Variants in DEGS1 observed in about 807,000 individuals in gnomAD.
DEGS1 encodes the protein sphingolipid delta(4)-desaturase DES1.
Under a neutral mutation model 24.1 loss-of-function variants are expected in DEGS1, and 17 were observed. The observed-to-expected ratio is 0.70, with a 90% CI of 0.48 to 1.06. DEGS1 has a LOEUF of 1.06. Among genes scored for constraint, DEGS1 ranks in the 50% least tolerant of loss-of-function variants. DEGS1 has a pLI of 0.00. For synonymous variants in DEGS1, 134 were observed against 140.0 expected (o/e 0.96, Z 0.30); for missense variants, 366 against 408.9 (o/e 0.90, Z 0.91).
rs1183186345 is a variant in DEGS1, at chr1:224,189,962, T to C, written c.468T>C (p.Ala156=). 1 of 1,614,130 alleles carries C rather than the reference T, an allele frequency of 6.2e-7. No homozygotes were observed. Among genetic ancestry groups the C allele is most frequent in the Admixed American group, 1.7e-5 (1 of 59,998 alleles). ...TTGAGGGCTGGTTCTTCTGTACCGCTTTCAGAAAGTTTATATGGGTTATTC... is the reference window on the plus strand; with the variant it reads ...TTGAGGGCTGGTTCTTCTGTACCGCCTTCAGAAAGTTTATATGGGTTATTC... The part of the protein sequence containing the change: ...TDFEGWFFCT[A]FRKFIWVILQ... Residue 156 remains alanine, a synonymous_variant, in exon 2 of 3, where the codon GCT becomes GCC. Coordinates refer to ENST00000323699, the MANE Select transcript of DEGS1 (RefSeq NM_003676.4).
chr1:224,183,380 C>G lies in DEGS1; in HGVS notation c.44C>G (p.Thr15Ser), dbSNP rs1412067526. 2 of 1,446,680 alleles carry G rather than the reference C, an allele frequency of 1.4e-6. No individual in the cohort carries two copies. The highest frequency in any genetic ancestry group is 3.1e-5 in the East Asian group (1 of 32,778). 89.6% of individuals were successfully genotyped at this position (1,446,680 alleles called of 1,614,324 possible). ...VSREDFEWVY[T>S]DQPHADRRRE... is the part of the protein sequence containing the mutation. ...CGGGAAGACTTCGAGTGGGTCTACA[C>G]CGACCAGCCGCACGCCGACCGGCGC... The change falls in exon 1 of 3, where the codon ACC (threonine) becomes AGC (serine). Residue 15 changes from threonine (T) to serine (S), a missense_variant. Physicochemically the swap from Thr to Ser is moderately conservative, Grantham distance 58. Coordinates refer to ENST00000323699, the MANE Select transcript of DEGS1 (RefSeq NM_003676.4).
chr1:224,184,670 C>G (rs1658331772), intron 1 of DEGS1, among the ~76,000 whole-genome samples: 1 of 152,104 alleles, frequency 6.6e-6, no homozygotes, highest in Non-Finnish European at 1.5e-5. Context: ...CACCACTACG[C>G]CTGGCTAATG....
chr1:224,190,526 T>C (rs1411848210), intron 2 of DEGS1, among the ~76,000 whole-genome samples: 1 of 151,492 alleles, frequency 6.6e-6, no homozygotes, highest in African/African-American at 2.4e-5. Context: ...CCCAGCTAAT[T>C]TTTGTATTTT....
Position 224,192,505 on chromosome 1 carries a change from C to G in DEGS1, c.*27C>G, listed in dbSNP as rs1558211178. ...TATCATTAGTGCCAAAGGGATTCTT[C>G]TCCAAAACTTTAGATGATAAAATGG... is the stretch of plus-strand genomic sequence containing the variant. On this transcript the variant is annotated 3_prime_UTR_variant, in exon 3 of 3. Transcript: ENST00000323699. The G allele has an allele frequency of 6.3e-7, 1 of 1,590,616 alleles. No individual in the cohort carries two copies. Among genetic ancestry groups the G allele is most frequent in the Admixed American group, 1.9e-5 (1 of 53,358 alleles).
rs1658440400 is a variant in DEGS1 at position 224,188,053 on chromosome 1, T to C, written c.83-1524T>C. 2.0e-5 allele frequency among the ~76,000 whole-genome samples: 3 copies of C among 151,720 alleles called. No homozygotes were observed. In the South Asian group the frequency reaches 6.2e-4, roughly 32 times the overall value. ...CAAGTGATCCTCCTGCCTTGGCCTCTCAGAGTGCTGGCATTATAGGTGTGA... is the reference window on the plus strand; with the variant it reads ...CAAGTGATCCTCCTGCCTTGGCCTCCCAGAGTGCTGGCATTATAGGTGTGA... On this transcript the variant is annotated intron_variant, in intron 1 of 2. Transcript: ENST00000323699.
Position 224,192,740 on chromosome 1 carries a change from A to G in DEGS1, c.*262A>G. On this transcript the variant is annotated 3_prime_UTR_variant, in exon 3 of 3. Transcript: ENST00000323699. ...CACTCATGTCTGTCATTTTATAAGC[A>G]TATCATTTAAAAAGCTTCTAAAAAG... 5.3e-6 allele frequency: 2 copies of G among 378,708 alleles called. No homozygotes were observed. Among genetic ancestry groups the G allele is most frequent in the African/African-American group, 2.2e-5 (1 of 46,340 alleles). The allele number at this position is 378,708 out of a possible 1,614,324, so 23.5% of individuals were successfully genotyped here.
intron 2 of DEGS1, 50 bp from the exon 3 acceptor site, chr1:224,192,282 A>G: frequency 6.5e-7 from 1 of 1,541,640 alleles, no homozygotes; most frequent in Non-Finnish European, 8.8e-7. Context: ...CATCTTTGAA[A>G]GAACCTAGTA....
In DEGS1 at chr1:224,192,578, C is replaced by G; in HGVS notation, c.*100C>G. The G allele has an allele frequency of 8.5e-7, 1 of 1,180,984 alleles. No homozygotes were observed. Among genetic ancestry groups the G allele is most frequent in the Non-Finnish European group, 1.2e-6 (1 of 841,664 alleles). 73.2% of individuals were successfully genotyped at this position (1,180,984 alleles called of 1,614,324 possible). A position where few individuals can be genotyped will look rare whatever the true frequency, so the allele number is the denominator to read the frequency against. On this transcript the variant is annotated 3_prime_UTR_variant, in exon 3 of 3. Coordinates refer to ENST00000323699, the MANE Select transcript of DEGS1 (RefSeq NM_003676.4). ...AGACCAGTGATGCTCAGAAGCTCCC[C>G]TGGCACAATTTCAGAGTAAGAGCTC...
intron 2 of DEGS1, among the ~76,000 whole-genome samples, chr1:224,191,704 C>G (rs1393440908): frequency 6.7e-6 from 1 of 149,272 alleles, no homozygotes; most frequent in African/African-American, 2.5e-5. Flanking sequence ...AAGCAATTCT[C>G]CTATCTCAGC....
intron 1 of DEGS1, among the ~76,000 whole-genome samples, chr1:224,186,712 CAAAAAAAAAA>C (rs34809195): frequency 0.012 from 956 of 79,886 alleles, 16 homozygotes; most frequent in African/African-American, 0.044. Flanking sequence ...GCCTCCGTCT[CAAAAAAAAAA>C]AAAAAAAAAA....
chr1:224,191,744 G>A (rs1253306693), intron 2 of DEGS1, among the ~76,000 whole-genome samples: 1 of 151,652 alleles, frequency 6.6e-6, no homozygotes, highest in Non-Finnish European at 1.5e-5. Context: ...ACAGGCGCAC[G>A]CCACCATGTC....
At position 224,183,247 on chromosome 1, in the gene DEGS1, C is replaced by T; in HGVS notation, c.-90C>T. On this transcript the variant is annotated 5_prime_UTR_variant, in exon 1 of 3. Coordinates refer to ENST00000323699, the MANE Select transcript of DEGS1 (RefSeq NM_003676.4). ...CCGCCACAGCCGGCCGACACCACAC[C>T]AGCCGGGGAGCCGCCGCCGCCGCCG... 8.1e-7 allele frequency: 1 copy of T among 1,237,556 alleles called. No homozygotes were observed. The highest frequency in any genetic ancestry group is 1.6e-5 in the African/African-American group (1 of 63,364). 76.7% of individuals were successfully genotyped at this position (1,237,556 alleles called of 1,614,324 possible).
chr1:224,193,115 T>C lies in DEGS1; in HGVS notation c.*637T>C, dbSNP rs373431793. On this transcript the variant is annotated 3_prime_UTR_variant, in exon 3 of 3. Transcript: ENST00000323699. ...AAGCTATTTCTAGTTTATTTCACTA[T>C]AAAGTTTTGCTTTATTAAAAAGCTA... 9.8e-5 allele frequency: 15 copies of C among 152,314 alleles called. No homozygotes were observed. The East Asian group carries it at 1.9e-3, about 20-fold the overall frequency. 9.4% of individuals were successfully genotyped at this position (152,314 alleles called of 1,614,324 possible).
chr1:224,184,243 G>A (rs1290792325), intron 1 of DEGS1, among the ~76,000 whole-genome samples: 2 of 152,148 alleles, frequency 1.3e-5, no homozygotes, highest in Admixed American at 6.5e-5. Context: ...AGAGGATTCG[G>A]GCCTTCTGTG....
In DEGS1 at chr1:224,192,334, G is replaced by A; in HGVS notation, c.828G>A (p.Val276=). Residue 276 remains valine, a splice_region_variant and synonymous_variant, in exon 3 of 3, where the codon GTG becomes GTA. Coordinates refer to ENST00000323699, the MANE Select transcript of DEGS1 (RefSeq NM_003676.4). ...PNIPGKSLPL[V]RKIAAEYYDN... is the part of the protein sequence containing the mutation. ...TTGCTGTATTTTTTCCCTTCTAGGT[G>A]AGGAAAATAGCAGCTGAATACTATG... 1 of 1,609,016 alleles carries A rather than the reference G, an allele frequency of 6.2e-7. No homozygotes were observed. Among genetic ancestry groups the A allele is most frequent in the Non-Finnish European group, 8.5e-7 (1 of 1,178,882 alleles).
At chr1:224,186,404 G>C (rs1458643769) in intron 1 of DEGS1, among the ~76,000 whole-genome samples, 2 of 152,034 alleles carry the variant, frequency 1.3e-5, no homozygotes, top group African/African-American at 4.8e-5. Context: ...CCATTTCACT[G>C]GGAAAGTAAA....
intron 1 of DEGS1, among the ~76,000 whole-genome samples, chr1:224,186,376 C>G (rs181209932): frequency 6.6e-6 from 1 of 151,924 alleles, no homozygotes; most frequent in East Asian, 1.9e-4. Context: ...TTTTTCCCCC[C>G]ACAGACTTAT....
In DEGS1 at chr1:224,183,245, AC is replaced by A; in HGVS notation, c.-90del. 8.3e-7 allele frequency: 1 copy of A among 1,208,004 alleles called. No individual in the cohort carries two copies. The highest frequency in any genetic ancestry group is 1.1e-6 in the Non-Finnish European group (1 of 892,326). 74.8% of individuals were successfully genotyped at this position (1,208,004 alleles called of 1,614,324 possible). On this transcript the variant is annotated 5_prime_UTR_variant, in exon 1 of 3. Coordinates refer to ENST00000323699, the MANE Select transcript of DEGS1 (RefSeq NM_003676.4). ...CTCCGCCACAGCCGGCCGACACCAC[AC>A]CAGCCGGGGAGCCGCCGCCGCCGCC...
chr1:224,183,370 T>C lies in DEGS1; in HGVS notation c.34T>C (p.Trp12Arg), dbSNP rs1357215169. 1 of 1,480,122 alleles carries C rather than the reference T, an allele frequency of 6.8e-7. No homozygotes were observed. The highest frequency in any genetic ancestry group is 9.0e-7 in the Non-Finnish European group (1 of 1,113,424). The allele number at this position is 1,480,122 out of a possible 1,614,324, so 91.7% of individuals were successfully genotyped here. The change falls in exon 1 of 3, where the codon TGG becomes CGG. Residue 12 changes from tryptophan to arginine, a missense_variant. Coordinates refer to ENST00000323699, the MANE Select transcript of DEGS1 (RefSeq NM_003676.4). ...GSRVSREDFEWVYTDQPHADR... is the reference protein window; with the variant it reads ...GSRVSREDFERVYTDQPHADR... ...CCGCGTCTCGCGGGAAGACTTCGAG[T>C]GGGTCTACACCGACCAGCCGCACGC...
Sources: gnomAD v4.1 joint callset for allele counts (sites outside exome capture counted in the v4.1 genomes callset) on GRCh38, gnomAD v4.1.1 for gene constraint, MANE v1.5 for transcripts, NCBI Gene and HGNC (gene_info 2026-07-23, HGNC 2026-07-21) for gene names.